The following DGKI variants were observed in gnomAD, a reference collection of about 807,000 sequenced individuals.
DGKI encodes DAG kinase iota.
Under a neutral mutation model 147.5 loss-of-function variants are expected in DGKI, and 55 were observed. That is an observed-to-expected ratio of 0.37 (90% CI 0.30 to 0.47). The LOEUF (loss-of-function observed/expected upper bound fraction) is 0.47. Among genes scored for constraint, DGKI ranks in the 20% least tolerant of loss-of-function variants. The probability of loss-of-function intolerance (pLI) is 1.00; values close to 1 mark genes in which losing one functional copy is unlikely to be tolerated. For missense variants in DGKI, 1,007 were observed against 1,323.8 expected (o/e 0.76, Z 3.71); for synonymous variants, 469 against 477.1 (o/e 0.98, Z 0.22).
intron 1 of DGKI, among the ~76,000 whole-genome samples, chr7:137,732,423 T>A (rs566648808): frequency 2.9e-4 from 44 of 152,198 alleles, no homozygotes; most frequent in African/African-American, 1.0e-3. Context: ...TACAATATGC[T>A]GTAAGAATGT....
At chr7:137,414,811 C>T (rs1212228358) in intron 28 of DGKI, among the ~76,000 whole-genome samples, 1 of 152,082 alleles carries the variant, frequency 6.6e-6, no homozygotes, top group African/African-American at 2.4e-5. Flanking sequence ...TAATTCTAAT[C>T]GCTACAATTT....
chr7:137,581,842 G>C lies in DGKI; in HGVS notation c.1642+8C>G, dbSNP rs1223238120. On this transcript the variant is annotated splice_region_variant and intron_variant, in intron 15 of 32. Coordinates refer to ENST00000614521, the MANE Select transcript of DGKI (RefSeq NM_001321708.2). ...CCCTGGGAGATGGAAATGGGACGTT[G>C]TCCTCACCTCTGGATTCATGGAACT... 6.2e-7 allele frequency: 1 copy of C among 1,610,636 alleles called. No homozygotes were observed. The highest frequency in any genetic ancestry group is 8.5e-7 in the Non-Finnish European group (1 of 1,177,260).
At chr7:137,422,225 T>C (rs1445470000) in intron 28 of DGKI, among the ~76,000 whole-genome samples, 5 of 152,274 alleles carry the variant, frequency 3.3e-5, no homozygotes, top group East Asian at 3.9e-4. Context: ...ACAGGGCCAA[T>C]AGACTCACAC....
chr7:137,478,575 T>C (rs1315391614), intron 23 of DGKI, among the ~76,000 whole-genome samples: 1 of 152,240 alleles, frequency 6.6e-6, no homozygotes, highest in East Asian at 1.9e-4. Flanking sequence ...TTCTCTGTTC[T>C]CAGAGGGTCT....
intron 21 of DGKI, among the ~76,000 whole-genome samples, chr7:137,516,588 G>A (rs774060869): frequency 2.0e-5 from 3 of 151,766 alleles, no homozygotes; most frequent in East Asian, 1.9e-4. Flanking sequence ...AATCAGGAAC[G>A]AATTCTGTTG....
intron 20 of DGKI, among the ~76,000 whole-genome samples, chr7:137,534,843 CTG>C (rs1817463858): frequency 6.6e-6 from 1 of 152,082 alleles, no homozygotes; most frequent in South Asian, 2.1e-4. Flanking sequence ...CAGAATGTGA[CTG>C]TATTTGGAAA....
intron 1 of DGKI, among the ~76,000 whole-genome samples, chr7:137,808,304 CTT>C (rs1485408391): frequency 3.9e-5 from 6 of 152,154 alleles, no homozygotes; most frequent in African/African-American, 1.4e-4. Flanking sequence ...TAAATACAGA[CTT>C]AATCATAAAA....
chr7:137,608,010 G>C (rs1223941788), intron 10 of DGKI, among the ~76,000 whole-genome samples: 1 of 152,170 alleles, frequency 6.6e-6, no homozygotes, highest in African/African-American at 2.4e-5. Context: ...TCCCATAAGA[G>C]AAGTTTTATT....
At chr7:137,645,018 A>G (rs1362716982) in intron 6 of DGKI, among the ~76,000 whole-genome samples, 7 of 152,230 alleles carry the variant, frequency 4.6e-5, no homozygotes, top group Admixed American at 1.3e-4. Context: ...CATCTCTTCC[A>G]TGAACTGGAT....
intron 21 of DGKI, among the ~76,000 whole-genome samples, chr7:137,508,478 G>A (rs1187513757): frequency 2.6e-5 from 4 of 151,976 alleles, no homozygotes; most frequent in South Asian, 4.2e-4. Flanking sequence ...TGTCCACCTC[G>A]GCCTCCCAAA....
At chr7:137,422,570 T>C (rs1361800534) in intron 28 of DGKI, among the ~76,000 whole-genome samples, 2 of 151,394 alleles carry the variant, frequency 1.3e-5, no homozygotes, top group Non-Finnish European at 1.5e-5. Context: ...GTTTTCATAT[T>C]TGTAAAGCAT....
At chr7:137,550,342 AT>A (rs1818004689) in intron 20 of DGKI, among the ~76,000 whole-genome samples, 1 of 151,874 alleles carries the variant, frequency 6.6e-6, no homozygotes, top group Admixed American at 6.6e-5. Flanking sequence ...CACCTGTCTA[AT>A]TTTTGTATTT....
chr7:137,679,934 T>C (rs1468799416), intron 2 of DGKI, among the ~76,000 whole-genome samples: 1 of 138,094 alleles, frequency 7.2e-6, no homozygotes, highest in South Asian at 2.2e-4. Flanking sequence ...GAGGCTGCAG[T>C]GAGCCAAGAT....
intron 21 of DGKI, among the ~76,000 whole-genome samples, chr7:137,516,144 GA>G (rs943469009): frequency 3.3e-5 from 5 of 151,502 alleles, no homozygotes; most frequent in South Asian, 2.1e-4. Context: ...TATTGATAGG[GA>G]AAAAAAATCA....
chr7:137,696,068 A>C (rs1220170699), intron 1 of DGKI, among the ~76,000 whole-genome samples: 3 of 152,214 alleles, frequency 2.0e-5, no homozygotes, highest in Admixed American at 2.0e-4. Context: ...CACCAGCCAA[A>C]GCTAGGTACA....
chr7:137,663,494 G>A (rs571097802), intron 3 of DGKI, among the ~76,000 whole-genome samples: 18 of 152,326 alleles, frequency 1.2e-4, no homozygotes, highest in Non-Finnish European at 2.5e-4. Context: ...AGGCACCGAC[G>A]CCTCTGAAAA....
chr7:137,765,744 C>T (rs1389073925), intron 1 of DGKI, among the ~76,000 whole-genome samples: 1 of 152,180 alleles, frequency 6.6e-6, no homozygotes, highest in Non-Finnish European at 1.5e-5. Context: ...CTAAGTAGCC[C>T]TCAGGTCTGG....
chr7:137,633,735 T>C (rs1341594532), intron 6 of DGKI, among the ~76,000 whole-genome samples: 1 of 152,226 alleles, frequency 6.6e-6, no homozygotes, highest in African/African-American at 2.4e-5. Context: ...GTACATGACA[T>C]TTGGCAAATG....
intron 1 of DGKI, among the ~76,000 whole-genome samples, chr7:137,791,256 C>T (rs370525364): frequency 9.2e-5 from 14 of 152,236 alleles, no homozygotes; most frequent in African/African-American, 2.9e-4. Flanking sequence ...ATAATATGAA[C>T]TAGAAGAATA....
Sources: gnomAD v4.1 joint callset for allele counts (sites outside exome capture counted in the v4.1 genomes callset) on GRCh38, gnomAD v4.1.1 for gene constraint, MANE v1.5 for transcripts, NCBI Gene and HGNC (gene_info 2026-07-23, HGNC 2026-07-21) for gene names.